Variants in EPG5 observed in about 807,000 individuals in gnomAD.
EPG5 encodes ectopic P granules protein 5 homolog.
Under a neutral mutation model 302.7 loss-of-function variants are expected in EPG5, and 159 were observed. The observed-to-expected ratio is 0.53, with a 90% CI of 0.46 to 0.60. The LOEUF (loss-of-function observed/expected upper bound fraction) is 0.60, where lower values mean the gene tolerates loss of function less well. Ranked by LOEUF, EPG5 falls within the 20% of genes least tolerant of loss-of-function variation. The pLI is 0.00. For synonymous variants in EPG5, 1,158 were observed against 1,136.8 expected, an observed-to-expected ratio of 1.02 and a Z score of -0.37; for missense variants, 2,896 against 3,092.4, an observed-to-expected ratio of 0.94 and a Z score of 1.51.
intron 25 of EPG5, among the ~76,000 whole-genome samples, chr18:45,902,871 A>C (rs2049652139): frequency 6.6e-6 from 1 of 152,218 alleles, no homozygotes; most frequent in East Asian, 1.9e-4. Flanking sequence ...AACAGCTTAC[A>C]AATTGGGTTT....
At chr18:45,888,254 C>T (rs2049261224) in intron 28 of EPG5, among the ~76,000 whole-genome samples, 2 of 151,400 alleles carry the variant, frequency 1.3e-5, no homozygotes. Flanking sequence ...TACAGGCACA[C>T]GCTACCACAC....
At position 45,936,466 on chromosome 18, in the gene EPG5, G is replaced by A. The variant is rs549725630; in HGVS notation, c.2100-1500C>T. ...GGAATGGCTGGATGCGGTGGCTCAC[G>A]CCTGTAATCCCAACACTTTGGGAGG... On this transcript the variant is annotated intron_variant, in intron 10 of 43. Coordinates refer to ENST00000282041, the MANE Select transcript of EPG5 (RefSeq NM_020964.3). Among the ~76,000 whole-genome samples, 12 of 152,214 alleles carry A rather than the reference G, an allele frequency of 7.9e-5. No homozygotes were observed. The East Asian group carries it at 1.4e-3, about 17-fold the overall frequency.
chr18:45,947,263 A>G (rs1403739410), intron 6 of EPG5, among the ~76,000 whole-genome samples: 1 of 152,052 alleles, frequency 6.6e-6, no homozygotes, highest in Non-Finnish European at 1.5e-5. Context: ...AAATACAAAA[A>G]TTAGTTGGGT....
chr18:45,884,717 G>T lies in EPG5; in HGVS notation c.5204C>A (p.Thr1735Asn), dbSNP rs747772457. Residue 1735 changes from threonine to asparagine, a missense_variant, in exon 30 of 44, where the codon ACT becomes AAT. This residue lies in a region of EPG5 where 790 missense variants were observed against 798.0 expected (regional missense o/e 0.99). Transcript: ENST00000282041. ...GAACTCTGCAGGTGCAGCATTGGGAGTGAAGAAAGGAGACAGCAGGGAGCA... is the reference window on the plus strand; with the variant it reads ...GAACTCTGCAGGTGCAGCATTGGGATTGAAGAAAGGAGACAGCAGGGAGCA... Reference protein sequence around the residue: ...RLCSLLSPFFTPNAAPAEFIQ... With the variant: ...RLCSLLSPFFNPNAAPAEFIQ... 9.9e-6 allele frequency: 16 copies of T among 1,611,810 alleles called. No individual in the cohort carries two copies. In the Admixed American group the frequency reaches 2.7e-4, roughly 27 times the overall value.
Position 45,907,945 on chromosome 18 carries a change from G to T in EPG5, c.4329+13C>A. 6.5e-7 allele frequency: 1 copy of T among 1,543,464 alleles called. No homozygotes were observed. The stretch of plus-strand genomic sequence containing the variant: ...TAAAAAAAAAAAAAAAAAAAGGAGG[G>T]CTATAATTTCACCTGCTGATTCTGC... On this transcript the variant is annotated intron_variant, in intron 24 of 43. Transcript: ENST00000282041.
chr18:45,941,284 C>A (rs960508027), intron 9 of EPG5, among the ~76,000 whole-genome samples: 1 of 152,138 alleles, frequency 6.6e-6, no homozygotes, highest in African/African-American at 2.4e-5. Flanking sequence ...CAACTAACTA[C>A]GAGAAAGGCT....
At chr18:45,906,077 C>T (rs1373497231) in intron 24 of EPG5, among the ~76,000 whole-genome samples, 2 of 152,194 alleles carry the variant, frequency 1.3e-5, no homozygotes, top group Non-Finnish European at 2.9e-5. Context: ...ATCCACATAT[C>T]CGACTTTGCC....
the EPG5 span, chr18:45,837,926 C>T: frequency 1.4e-6 from 2 of 1,459,988 alleles, no homozygotes; most frequent in East Asian, 2.9e-5. Context: ...GGTCCCCGGC[C>T]TCCCTTCCCG....
At position 45,944,079 on chromosome 18, in the gene EPG5, T is replaced by C. The variant is rs1315524943; in HGVS notation, c.1718A>G (p.Asp573Gly). ...CTGTGCTAAAATGGTAACCAAATCA[T>C]CTTCATTAAGGAGAATCCAACTGGT... ...PETSWILLNE[D>G]DLVTILAQFP... Residue 573 changes from aspartate (D) to glycine (G), a missense_variant, in exon 8 of 44, where the codon GAT (aspartate) becomes GGT (glycine). Asp to Gly is a moderately conservative substitution (Grantham distance 94). Around this residue, in one of 5 missense-constraint regions of EPG5, gnomAD observed 1,390 missense variants for 1,430.0 expected, o/e 0.97. Coordinates refer to ENST00000282041, the MANE Select transcript of EPG5 (RefSeq NM_020964.3). The C allele has an allele frequency of 1.9e-6, 3 of 1,613,878 alleles. No homozygotes were observed. Among genetic ancestry groups the C allele is most frequent in the Non-Finnish European group, 2.5e-6 (3 of 1,179,890 alleles).
intron 39 of EPG5, among the ~76,000 whole-genome samples, chr18:45,863,080 G>C (rs2145232940): frequency 6.6e-6 from 1 of 152,090 alleles, no homozygotes; most frequent in Non-Finnish European, 1.5e-5. Flanking sequence ...AAAGTTTTCT[G>C]CCTTACAGAT....
At chr18:45,918,001 G>A (rs1366765660) in intron 16 of EPG5, among the ~76,000 whole-genome samples, 182 bp from the exon 17 acceptor site, 4 of 152,232 alleles carry the variant, frequency 2.6e-5, no homozygotes, top group South Asian at 4.1e-4. Context: ...AAACTTAAAA[G>A]TTAATCTTTA....
In EPG5 at chr18:45,904,016, G is replaced by C. The variant is rs202107707; in HGVS notation, c.4431C>G (p.Pro1477=). ...TQAKLESHST[P]CSLSVQLDFT... Reference sequence around the variant, plus strand: ...AGTCCAGCTGCACGGACAAACTGCAGGGTGTGGAATGGGACTCAAGCTTGG... The same window carrying C: ...AGTCCAGCTGCACGGACAAACTGCACGGTGTGGAATGGGACTCAAGCTTGG... The change falls in exon 25 of 44, where the codon CCC becomes CCG. Residue 1477 remains proline, a synonymous_variant. Transcript: ENST00000282041. 3.7e-5 allele frequency: 59 copies of C among 1,612,714 alleles called. No individual in the cohort carries two copies. The highest frequency in any genetic ancestry group is 3.4e-4 in the Admixed American group (20 of 59,414).
At chr18:45,825,608 T>G in the EPG5 span, 4 of 990,598 alleles carry the variant, frequency 4.0e-6, no homozygotes, top group Non-Finnish European at 6.2e-6. Flanking sequence ...CACAGGGACC[T>G]GCAGATCTGA....
At chr18:45,960,509 A>G (rs1455687655) in intron 1 of EPG5, among the ~76,000 whole-genome samples, 1 of 151,172 alleles carries the variant, frequency 6.6e-6, no homozygotes, top group Non-Finnish European at 1.5e-5. Flanking sequence ...TGATCTCCAC[A>G]TAAGTTACAT....
chr18:45,960,966 T>C (rs1036953751), intron 1 of EPG5, among the ~76,000 whole-genome samples: 7 of 152,302 alleles, frequency 4.6e-5, no homozygotes, highest in Admixed American at 4.6e-4. Context: ...AATTAACATA[T>C]GTAAAACCAA....
chr18:45,838,654 C>A, the EPG5 span: 1 of 1,457,716 alleles, frequency 6.9e-7, no homozygotes, highest in Non-Finnish European at 9.0e-7. Flanking sequence ...CCCTCCGGCT[C>A]TGGCGTCCAA....
chr18:45,814,918 G>T, the EPG5 span, among the ~76,000 whole-genome samples: 2 of 152,156 alleles, frequency 1.3e-5, no homozygotes, highest in Admixed American at 1.3e-4. Flanking sequence ...TAATGCAAAG[G>T]TCCCTGACTT....
chr18:45,825,547 C>G, the EPG5 span: 2 of 618,240 alleles, frequency 3.2e-6, no homozygotes, highest in Non-Finnish European at 5.8e-6. Context: ...AATGATCAGA[C>G]CTCAGGCTGC....
intron 16 of EPG5, among the ~76,000 whole-genome samples, chr18:45,919,910 A>G (rs1434621166): frequency 6.6e-6 from 1 of 152,330 alleles, no homozygotes; most frequent in East Asian, 1.9e-4. Flanking sequence ...GAAGCCGTTA[A>G]TAACACTAGA....
Sources: allele counts gnomAD v4.1 joint callset (sites outside exome capture counted in the v4.1 genomes callset), GRCh38; gene constraint gnomAD v4.1.1; regional missense constraint gnomAD v4.1.1; transcripts MANE v1.5; gene names NCBI Gene and HGNC (gene_info 2026-07-23, HGNC 2026-07-21).